The following C11orf65 variants were observed in gnomAD, a reference collection of about 807,000 sequenced individuals.
The protein encoded by C11orf65 is protein MFI.
Under a neutral mutation model 35.3 loss-of-function variants are expected in C11orf65, and 38 were observed. The ratio of observed to expected loss-of-function variants is 1.08; its 90% CI spans 0.83 to 1.41. The LOEUF is 1.41. Among genes scored for constraint, C11orf65 ranks in the 40% most tolerant of loss-of-function variants. The pLI is 0.00. For synonymous variants in C11orf65, 105 were observed against 114.4 expected, an observed-to-expected ratio of 0.92 and a Z score of 0.53; for missense variants, 370 against 367.1, an observed-to-expected ratio of 1.01 and a Z score of -0.06.
chr11:108,313,328 G>A (rs1399175325), intron 6 of C11orf65, among the ~76,000 whole-genome samples: 1 of 152,034 alleles, frequency 6.6e-6, no homozygotes, highest in Non-Finnish European at 1.5e-5. Context: ...TCTTCCCTAT[G>A]TTCTCTTTTA....
At chr11:108,405,345 C>T in intron 6 of C11orf65, 84 bp downstream of exon 6, 1 of 1,432,254 alleles carries the variant, frequency 7.0e-7, no homozygotes, top group Non-Finnish European at 9.5e-7. Context: ...CTAATGCCCT[C>T]TTGTGAGGAG....
At chr11:108,353,957 T>C in intron 2 of C11orf65, 2 of 1,407,118 alleles carry the variant, frequency 1.4e-6, no homozygotes, top group Non-Finnish European at 2.0e-6. Context: ...TCTTTGCACC[T>C]GTAATCCCAG....
chr11:108,435,651 A>C (rs1791821131), intron 2 of C11orf65, among the ~76,000 whole-genome samples: 1 of 152,200 alleles, frequency 6.6e-6, no homozygotes. Flanking sequence ...TGGAAGAAAA[A>C]AGTTAAAAAT....
At chr11:108,350,444 T>C (rs774559043) in intron 2 of C11orf65, among the ~76,000 whole-genome samples, 1 of 152,238 alleles carries the variant, frequency 6.6e-6, no homozygotes, top group Non-Finnish European at 1.5e-5. Flanking sequence ...ATGTACAATT[T>C]ACAATGTCTA....
At chr11:108,412,465 C>T (rs1220146418) in intron 3 of C11orf65, among the ~76,000 whole-genome samples, 1 of 152,160 alleles carries the variant, frequency 6.6e-6, no homozygotes, top group Non-Finnish European at 1.5e-5. Context: ...CAAGACCCAA[C>T]TATATGTTAT....
chr11:108,314,118 T>C (rs1386596745), intron 6 of C11orf65, among the ~76,000 whole-genome samples: 1 of 152,022 alleles, frequency 6.6e-6, no homozygotes, highest in Non-Finnish European at 1.5e-5. Context: ...ATGTACAGTT[T>C]TTTTGTTTTT....
At chr11:108,314,454 AT>A (rs10716099) in intron 6 of C11orf65, among the ~76,000 whole-genome samples, 79,288 of 148,376 alleles carry the variant, frequency 0.53, 21,375 homozygotes, top group Middle Eastern at 0.74. Flanking sequence ...TGTTTGTGTG[AT>A]TTTTTTTTTT....
At chr11:108,379,191 C>T (rs1012426939), downstream of C11orf65, among the ~76,000 whole-genome samples, 19 of 152,036 alleles carry the variant, frequency 1.2e-4, no homozygotes, top group South Asian at 6.2e-4. Flanking sequence ...TGTTTATTGC[C>T]GCACTATTCA....
intron 3 of C11orf65, chr11:108,331,613 A>C: frequency 2.8e-6 from 4 of 1,429,496 alleles, no homozygotes; most frequent in Non-Finnish European, 3.7e-6. Context: ...TTATTACTAT[A>C]TATTATATAA....
At chr11:108,409,498 A>G (rs927917639) in intron 3 of C11orf65, among the ~76,000 whole-genome samples, 4 of 152,158 alleles carry the variant, frequency 2.6e-5, no homozygotes, top group Non-Finnish European at 5.9e-5. Context: ...ATCATACTTC[A>G]CATTTTGAAT....
intron 2 of C11orf65, chr11:108,346,035 C>T: frequency 1.0e-6 from 1 of 1,004,412 alleles, no homozygotes; most frequent in Non-Finnish European, 1.5e-6. Context: ...GGTTAGTAAC[C>T]AACCCATCTT....
In C11orf65 at chr11:108,332,792, T is replaced by C. The variant is rs1459650575; in HGVS notation, c.300-1225A>G. 3 of 1,613,350 alleles carry C rather than the reference T, an allele frequency of 1.9e-6. No individual in the cohort carries two copies. The highest frequency in any genetic ancestry group is 2.5e-6 in the Non-Finnish European group (3 of 1,179,744). ...AACAGAGGCTGCAAATAGAATAATA[T>C]GTACTATCAGAAGTAGGAGACCTCA... On this transcript the variant is annotated intron_variant, in intron 3 of 3. Coordinates refer to the C11orf65 transcript ENST00000524755.
intron 2 of C11orf65, among the ~76,000 whole-genome samples, chr11:108,354,546 T>C (rs993888688): frequency 1.3e-5 from 2 of 152,242 alleles, no homozygotes; most frequent in Admixed American, 6.5e-5. Flanking sequence ...GACTGAGAGC[T>C]GAGCCCAGTG....
chr11:108,365,441 T>C (rs1272213516), intron 2 of C11orf65: 2 of 1,614,188 alleles, frequency 1.2e-6, no homozygotes, highest in East Asian at 2.2e-5. Context: ...GTGAATTTGC[T>C]CATACAGCAG....
intron 3 of C11orf65, among the ~76,000 whole-genome samples, chr11:108,416,454 G>A (rs562117002): frequency 8.2e-4 from 125 of 152,284 alleles, no homozygotes; most frequent in South Asian, 1.7e-3. Context: ...GGCTGAGGCA[G>A]GTGGATCACT....
At chr11:108,331,363 C>G, downstream of C11orf65, 1 of 1,531,296 alleles carries the variant, frequency 6.5e-7, no homozygotes, top group Non-Finnish European at 8.8e-7. Context: ...GGAGCACTGT[C>G]TTAAAATAAC....
chr11:108,407,110 A>G lies in C11orf65; in HGVS notation c.214T>C (p.Phe72Leu). Residue 72 changes from phenylalanine to leucine, a missense_variant, in exon 4 of 9, where the codon TTC (phenylalanine) becomes CTC (leucine). By Grantham distance (22) the Phe-to-Leu change is conservative. Coordinates refer to ENST00000393084, the MANE Select transcript of C11orf65 (RefSeq NM_152587.5). Reference sequence around the variant, plus strand: ...TCCATACTTACTCCACCTAATCTGAATCGCACATGAATGCCAGCAGCAGCA... The same window carrying G: ...TCCATACTTACTCCACCTAATCTGAGTCGCACATGAATGCCAGCAGCAGCA... ...LDAAAGIHVR[F>L]RLGGVKFPPD... The G allele has an allele frequency of 6.2e-7, 1 of 1,610,732 alleles. No individual in the cohort carries two copies. Among genetic ancestry groups the G allele is most frequent in the Non-Finnish European group, 8.5e-7 (1 of 1,177,674 alleles).
chr11:108,460,241 C>A (rs557177806), intron 2 of C11orf65, among the ~76,000 whole-genome samples: 32 of 152,214 alleles, frequency 2.1e-4, no homozygotes, highest in African/African-American at 7.7e-4. Context: ...GTCTTGTAAG[C>A]CATAAAACCT....
At chr11:108,353,081 A>G (rs553408490) in intron 2 of C11orf65, among the ~76,000 whole-genome samples, 1 of 152,198 alleles carries the variant, frequency 6.6e-6, no homozygotes, top group Non-Finnish European at 1.5e-5. Flanking sequence ...GGGAAAAGGC[A>G]TAAGGGATGA....
Sources: gnomAD v4.1 joint callset for allele counts (sites outside exome capture counted in the v4.1 genomes callset) on GRCh38, gnomAD v4.1.1 for gene constraint, MANE v1.5 for transcripts, NCBI Gene and HGNC (gene_info 2026-07-23, HGNC 2026-07-21) for gene names.